The following ELAPOR2 variants were observed in gnomAD, a reference collection of about 807,000 sequenced individuals.
ELAPOR2 encodes the protein endosome-lysosome associated apoptosis and autophagy regulator family member 2.
ELAPOR2 carries 89 observed loss-of-function variants against 120.7 expected under a neutral mutation model. That is an observed-to-expected ratio of 0.74 (90% confidence interval 0.62 to 0.88). The LOEUF is 0.88. Ranked by LOEUF, ELAPOR2 falls within the 40% of genes least tolerant of loss-of-function variation. The pLI is 0.00. For synonymous variants in ELAPOR2, 444 were observed against 444.9 expected (o/e 1.00, Z 0.03); for missense variants, 1,134 against 1,251.6 (o/e 0.91, Z 1.42).
Position 86,913,250 on chromosome 7 carries a change from T to C in ELAPOR2, c.1732-46A>G, listed in dbSNP as rs1789409068. The C allele has an allele frequency of 2.5e-6, 4 of 1,583,372 alleles. No individual in the cohort carries two copies. In the Admixed American group the frequency reaches 6.8e-5, roughly 27 times the overall value. ...TAATGACTTCTGCCTTGGGGCTTAG[T>C]TGTACAACCAGATTATGTCTTCTGT... On this transcript the variant is annotated intron_variant, in intron 13 of 21. Transcript: ENST00000450689.
chr7:86,926,460 G>A (rs1469700648), intron 9 of ELAPOR2, among the ~76,000 whole-genome samples: 4 of 151,894 alleles, frequency 2.6e-5, no homozygotes, highest in Admixed American at 2.6e-4. Context: ...CACACTATTG[G>A]TAGCATGGGG....
chr7:87,050,234 T>C, intron 1 of ELAPOR2, among the ~76,000 whole-genome samples: 1 of 152,184 alleles, frequency 6.6e-6, no homozygotes, highest in East Asian at 1.9e-4. Context: ...TTGATATAGT[T>C]TGGATATTTG....
intron 20 of ELAPOR2, 65 bp from the exon 21 acceptor site, chr7:86,891,954 T>C (rs1788183207): frequency 9.4e-7 from 1 of 1,064,508 alleles, no homozygotes; most frequent in Non-Finnish European, 1.3e-6. Flanking sequence ...TAAATACTTA[T>C]TTTAGGTGGT....
In ELAPOR2 at chr7:86,970,639, T is replaced by A. The variant is rs1242864478; in HGVS notation, c.190-5615A>T. ...AGGCCAAAAGCAGGAGAATACTTAA[T>A]GCAGAAATACATGCAACTTATACGA... On this transcript the variant is annotated intron_variant, in intron 1 of 21. Coordinates refer to ENST00000450689, the MANE Select transcript of ELAPOR2 (RefSeq NM_001142749.3). 2.0e-5 allele frequency among the ~76,000 whole-genome samples: 3 copies of A among 152,206 alleles called. No homozygotes were observed. In the East Asian group the frequency reaches 5.8e-4, roughly 29 times the overall value.
chr7:86,959,199 A>G (rs1213574009), intron 2 of ELAPOR2, among the ~76,000 whole-genome samples: 1 of 152,158 alleles, frequency 6.6e-6, no homozygotes, highest in Non-Finnish European at 1.5e-5. Context: ...TACTAGTTCT[A>G]ACGGGTTTTT....
intron 1 of ELAPOR2, among the ~76,000 whole-genome samples, chr7:86,993,262 G>GA (rs1430146772): frequency 2.4e-4 from 32 of 131,940 alleles, no homozygotes; most frequent in Admixed American, 1.6e-3. Flanking sequence ...AAAAAGAAAA[G>GA]AAAAGGAAAG....
chr7:86,914,731 C>A lies in ELAPOR2; in HGVS notation c.1723G>T (p.Gly575Cys). The change falls in exon 13 of 22, where the codon GGT becomes TGT. Residue 575 changes from glycine (G) to cysteine (C), a missense_variant. This residue lies in a region of ELAPOR2 where 831 missense variants were observed against 867.6 expected (regional missense o/e 0.96). Coordinates refer to ENST00000450689, the MANE Select transcript of ELAPOR2 (RefSeq NM_001142749.3). ...FTWAFQRTNQGQDNRRFINDM... is the reference protein window; with the variant it reads ...FTWAFQRTNQCQDNRRFINDM... ...AAGTGCTTGGAACTTACATCTTGAC[C>A]CTGATTAGTTCTCTGGAATGCCCAT... 1 of 1,605,032 alleles carries A rather than the reference C, an allele frequency of 6.2e-7. No individual in the cohort carries two copies. The highest frequency in any genetic ancestry group is 8.5e-7 in the Non-Finnish European group (1 of 1,175,970).
At chr7:86,916,528 G>A (rs956415655) in intron 12 of ELAPOR2, among the ~76,000 whole-genome samples, 4 of 152,104 alleles carry the variant, frequency 2.6e-5, no homozygotes, top group African/African-American at 9.7e-5. Context: ...CCATAAAGAC[G>A]CCATGTTACA....
intron 1 of ELAPOR2, chr7:86,965,960 C>T (rs1303010866): frequency 2.0e-6 from 2 of 985,170 alleles, no homozygotes; most frequent in South Asian, 4.7e-5. Context: ...TGTCTTTGAC[C>T]TTCTCTGCAT....
At chr7:87,025,203 G>A (rs1207177289) in intron 1 of ELAPOR2, among the ~76,000 whole-genome samples, 1 of 152,066 alleles carries the variant, frequency 6.6e-6, no homozygotes, top group Non-Finnish European at 1.5e-5. Flanking sequence ...GCAGTCATCT[G>A]TTGGCAGATT....
chr7:86,889,573 G>A lies in ELAPOR2; in HGVS notation c.3030+2151C>T, dbSNP rs139233085. On this transcript the variant is annotated intron_variant, in intron 21 of 21. Coordinates refer to ENST00000450689, the MANE Select transcript of ELAPOR2 (RefSeq NM_001142749.3). Reference sequence around the variant, plus strand: ...AGATAAAGGGATGATTTACTTCCGGGGGGGACAAGGCAGTACAGTAGGAGA... The same window carrying A: ...AGATAAAGGGATGATTTACTTCCGGAGGGGACAAGGCAGTACAGTAGGAGA... Among the ~76,000 whole-genome samples the A allele has an allele frequency of 2.9e-4, 44 of 151,980 alleles. 1 individual carries two copies. The East Asian group carries it at 6.8e-3, about 23-fold the overall frequency.
intron 2 of ELAPOR2, among the ~76,000 whole-genome samples, chr7:86,952,361 T>TTG (rs1791292882): frequency 1.3e-5 from 2 of 152,208 alleles, no homozygotes; most frequent in Admixed American, 6.5e-5. Flanking sequence ...GTTAACTAGT[T>TTG]AACAGTTAAC....
At chr7:86,963,494 A>G (rs950057114) in intron 2 of ELAPOR2, among the ~76,000 whole-genome samples, 4 of 152,148 alleles carry the variant, frequency 2.6e-5, no homozygotes, top group Non-Finnish European at 5.9e-5. Context: ...TTTCAAACTA[A>G]CAATCAGTTC....
intron 1 of ELAPOR2, among the ~76,000 whole-genome samples, chr7:87,043,266 C>A (rs1794842044): frequency 1.3e-5 from 2 of 151,458 alleles, no homozygotes; most frequent in African/African-American, 2.4e-5. Context: ...TTTTATGAGG[C>A]CAGCATCATT....
chr7:86,933,815 A>G (rs1790443170), intron 8 of ELAPOR2, among the ~76,000 whole-genome samples: 1 of 152,018 alleles, frequency 6.6e-6, no homozygotes, highest in South Asian at 2.1e-4. Flanking sequence ...CTTGACATTC[A>G]CTTTCAGCTT....
chr7:86,911,798 C>A (rs1789322568), intron 15 of ELAPOR2: 1 of 551,184 alleles, frequency 1.8e-6, no homozygotes, highest in Admixed American at 2.4e-5. Flanking sequence ...TTTATGAAAA[C>A]AAAACATCCT....
At chr7:86,924,819 A>T (rs1789994033) in intron 10 of ELAPOR2, among the ~76,000 whole-genome samples, 1 of 152,032 alleles carries the variant, frequency 6.6e-6, no homozygotes, top group African/African-American at 2.4e-5. Flanking sequence ...ACAATAATTA[A>T]ACATAATATA....
chr7:86,915,160 G>A (rs1025636047), intron 12 of ELAPOR2, among the ~76,000 whole-genome samples: 5 of 151,978 alleles, frequency 3.3e-5, no homozygotes, highest in African/African-American at 9.7e-5. Context: ...TGTTTCATGT[G>A]TGTGATCTGG....
Position 87,048,195 on chromosome 7 carries a change from G to T in ELAPOR2, c.189+11130C>A, listed in dbSNP as rs573940785. Among the ~76,000 whole-genome samples the T allele has an allele frequency of 2.6e-5, 4 of 151,078 alleles. No homozygotes were observed. In the South Asian group the frequency reaches 6.3e-4, roughly 24 times the overall value. On this transcript the variant is annotated intron_variant, in intron 1 of 21. Transcript: ENST00000450689. ...GGAGGCGGAGGTTGCAGTGAGCCGA[G>T]ATTGCACCACTGCACTCCAGCCTGG... is the stretch of plus-strand genomic sequence containing the variant.
Sources: gnomAD v4.1 joint callset for allele counts (sites outside exome capture counted in the v4.1 genomes callset) on GRCh38, gnomAD v4.1.1 for gene constraint, gnomAD v4.1.1 regional missense constraint, MANE v1.5 for transcripts, NCBI Gene and HGNC (gene_info 2026-07-23, HGNC 2026-07-21) for gene names.